HMCN2: variants seen among roughly 807,000 people sequenced by gnomAD.
HMCN2 encodes hemicentin 2, also known as hemicentin-2.
Under a neutral mutation model 377.5 loss-of-function variants are expected in HMCN2, and 325 were observed. The observed-to-expected ratio is 0.86, with a 90% CI of 0.79 to 0.94. The LOEUF is 0.94. Among genes scored for constraint, HMCN2 ranks in the 40% least tolerant of loss-of-function variants. The pLI, the probability that HMCN2 is intolerant of heterozygous loss-of-function variation, is 0.00. For synonymous variants in HMCN2, 2,007 were observed against 2,046.8 expected (o/e 0.98, Z 0.53); for missense variants, 4,543 against 4,725.3 (o/e 0.96, Z 1.13).
chr9:130,429,946 T>A, intron 94 of HMCN2: 2 of 644,298 alleles, frequency 3.1e-6, no homozygotes, highest in Non-Finnish European at 5.1e-6. Flanking sequence ...TTCCGGGGAA[T>A]TTCAGGAGGG....
chr9:130,431,706 G>A (rs903071840), intron 96 of HMCN2, among the ~76,000 whole-genome samples: 6 of 152,190 alleles, frequency 3.9e-5, no homozygotes, highest in Non-Finnish European at 5.9e-5. Context: ...GAGATCACGC[G>A]GGCAGGCTCT....
chr9:130,323,991 C>T (rs998975196), intron 19 of HMCN2, among the ~76,000 whole-genome samples: 6 of 152,210 alleles, frequency 3.9e-5, no homozygotes, highest in Admixed American at 2.6e-4. Flanking sequence ...CATGAGCCAC[C>T]GTGCCTGGCC....
intron 22 of HMCN2, among the ~76,000 whole-genome samples, chr9:130,336,251 A>C (rs1838742278): frequency 6.6e-6 from 1 of 152,244 alleles, no homozygotes; most frequent in Admixed American, 6.5e-5. Context: ...CACAACAGTC[A>C]AAAATGAGTT....
chr9:130,293,375 T>C lies in HMCN2; in HGVS notation c.613-1480T>C, dbSNP rs113331248. ...TTGGAATTCACTTGGAGATGTTCTT[T>C]TCTCTCTGTGGTTGTGGTACCGATT... On this transcript the variant is annotated intron_variant, in intron 4 of 97. Coordinates refer to ENST00000683500, the MANE Select transcript of HMCN2 (RefSeq NM_001291815.2). 1.2e-3 allele frequency among the ~76,000 whole-genome samples: 184 copies of C among 150,444 alleles called. 1 individual carries two copies. Among genetic ancestry groups the C allele is most frequent in the African/African-American group, 4.2e-3 (173 of 40,756 alleles).
rs546464030 is a variant in HMCN2 at position 130,388,765 on chromosome 9, C to A, written c.9523+225C>A. 2.0e-3 allele frequency among the ~76,000 whole-genome samples: 306 copies of A among 151,460 alleles called. 1 individual carries two copies. Among genetic ancestry groups the A allele is most frequent in the African/African-American group, 6.8e-3 (281 of 41,168 alleles). On this transcript the variant is annotated intron_variant, in intron 62 of 97. Transcript: ENST00000683500. ...AGCGTCTCCTGTGAGGGTTTGGAAG[C>A]TCCTTTGCATCCACGTCCTCAGTCA...
rs979662943 is a variant in HMCN2 at position 130,391,041 on chromosome 9, G to A, written c.9588G>A (p.Pro3196=). 2.0e-6 allele frequency: 2 copies of A among 987,728 alleles called. No individual in the cohort carries two copies. Among genetic ancestry groups the A allele is most frequent in the South Asian group, 4.7e-5 (1 of 21,378 alleles). The allele number at this position is 987,728 out of a possible 1,614,324, so 61.2% of individuals were successfully genotyped here. ...GCCTCCAGCTGAGCCGCCTGCAACC[G>A]GCCCAGGCGGGCACCTACACGTGCG... is the stretch of plus-strand genomic sequence containing the variant. ...GGRLQLSRLQ[P]AQAGTYTCVA... is the part of the protein sequence containing the mutation. The change falls in exon 63 of 98, where the codon CCG becomes CCA. Residue 3196 remains proline, a synonymous_variant. Transcript: ENST00000683500.
At chr9:130,334,963 A>G (rs1402461000) in intron 22 of HMCN2, among the ~76,000 whole-genome samples, 3 of 152,042 alleles carry the variant, frequency 2.0e-5, no homozygotes, top group African/African-American at 7.2e-5. Flanking sequence ...CAGCCTCTCA[A>G]TTAGCTGGGA....
chr9:130,388,485 T>C lies in HMCN2; in HGVS notation c.9468T>C (p.Asp3156=), dbSNP rs1011007514. Residue 3156 remains aspartate (D), a synonymous_variant, in exon 62 of 98, where the codon GAT becomes GAC. Coordinates refer to ENST00000683500, the MANE Select transcript of HMCN2 (RefSeq NM_001291815.2). ...GGAGCCCCCTGGTCCTGACCTGTGA[T>C]GTGTCCGGGGTCCCTGCACCCACGG... ...VAGSPLVLTC[D]VSGVPAPTVT... 22 of 987,980 alleles carry C rather than the reference T, an allele frequency of 2.2e-5. No homozygotes were observed. Among genetic ancestry groups the C allele is most frequent in the Non-Finnish European group, 2.7e-5 (22 of 830,134 alleles). 61.2% of individuals were successfully genotyped at this position (987,980 alleles called of 1,614,324 possible).
chr9:130,348,096 A>G, intron 26 of HMCN2: 4 of 958,472 alleles, frequency 4.2e-6, no homozygotes, highest in East Asian at 2.3e-4. Context: ...CCGCTTGGGC[A>G]GTTCTACCAG....
chr9:130,417,600 G>C (rs1314729301), intron 85 of HMCN2, among the ~76,000 whole-genome samples: 3 of 151,362 alleles, frequency 2.0e-5, no homozygotes, highest in Non-Finnish European at 4.4e-5. Context: ...AGAGAGAAGA[G>C]AAGGTAAAGT....
At chr9:130,397,680 A>C in intron 74 of HMCN2, 25 bp downstream of exon 74, 3 of 1,289,476 alleles carry the variant, frequency 2.3e-6, no homozygotes, top group Non-Finnish European at 3.0e-6. Context: ...GAAGGCCTTC[A>C]GTGTCCAGTC....
chr9:130,274,618 C>G (rs531942959), intron 1 of HMCN2, among the ~76,000 whole-genome samples: 1 of 152,276 alleles, frequency 6.6e-6, no homozygotes, highest in African/African-American at 2.4e-5. Flanking sequence ...GTAAAATATT[C>G]TACTACTACT....
intron 61 of HMCN2, among the ~76,000 whole-genome samples, 185 bp from the exon 62 acceptor site, chr9:130,388,224 G>A (rs1024555804): frequency 2.0e-5 from 3 of 152,322 alleles, no homozygotes; most frequent in Non-Finnish European, 4.4e-5. Context: ...AGGAGACCCC[G>A]CTGGAGCTTT....
intron 66 of HMCN2, among the ~76,000 whole-genome samples, chr9:130,392,799 A>G (rs1042265572): frequency 3.9e-5 from 6 of 152,112 alleles, no homozygotes; most frequent in Admixed American, 2.0e-4. Context: ...GATCAAGACC[A>G]TCCTGGCTAA....
rs1286579921 is a variant in HMCN2, at chr9:130,383,528, G to A, written c.8758G>A (p.Ala2920Thr). 4 of 985,978 alleles carry A rather than the reference G, an allele frequency of 4.1e-6. No homozygotes were observed. In the African/African-American group the frequency reaches 5.2e-5, roughly 13 times the overall value. 61.1% of individuals were successfully genotyped at this position (985,978 alleles called of 1,614,324 possible). ...GGTTTCCACGGCAGAGGTGGCCGACGCCGCCAGCTACATGTGTGTGGCCGA... is the reference window on the plus strand; with the variant it reads ...GGTTTCCACGGCAGAGGTGGCCGACACCGCCAGCTACATGTGTGTGGCCGA... Reference protein sequence around the residue: ...LQVSTAEVADAASYMCVAENQ... With the variant: ...LQVSTAEVADTASYMCVAENQ... Residue 2920 changes from alanine (A) to threonine (T), a missense_variant, in exon 57 of 98, where the codon GCC (alanine) becomes ACC (threonine). Ala to Thr is a moderately conservative substitution (Grantham distance 58). Transcript: ENST00000683500.
rs1465159951 is a variant in HMCN2 at position 130,360,618 on chromosome 9, G to T, written c.5950+14G>T. On this transcript the variant is annotated intron_variant, in intron 38 of 97. Coordinates refer to ENST00000683500, the MANE Select transcript of HMCN2 (RefSeq NM_001291815.2). The surrounding 1 kb of genome is among the most constrained non-coding windows in gnomAD (Gnocchi z 4.7). ...TACGGGTCAATGGTGAGCTTCCCTGGGCCTACAAGGTCCCTTGTCCAAAAA... is the reference window on the plus strand; with the variant it reads ...TACGGGTCAATGGTGAGCTTCCCTGTGCCTACAAGGTCCCTTGTCCAAAAA... 7.9e-7 allele frequency: 1 copy of T among 1,271,674 alleles called. No individual in the cohort carries two copies. The highest frequency in any genetic ancestry group is 2.6e-5 in the Admixed American group (1 of 39,144). The allele number at this position is 1,271,674 out of a possible 1,614,324, so 78.8% of individuals were successfully genotyped here.
In HMCN2 at chr9:130,418,962, T is replaced by G. The variant is rs1416133611; in HGVS notation, c.13152T>G (p.Thr4384=). The G allele has an allele frequency of 6.5e-7, 1 of 1,531,888 alleles. No individual in the cohort carries two copies. The highest frequency in any genetic ancestry group is 1.2e-5 in the South Asian group (1 of 81,830). The allele number at this position is 1,531,888 out of a possible 1,614,324, so 94.9% of individuals were successfully genotyped here. A position where few individuals can be genotyped will look rare whatever the true frequency, so the allele number is the denominator to read the frequency against. The change falls in exon 86 of 98, where the codon ACT becomes ACG. Residue 4384 remains threonine (T), a synonymous_variant. Transcript: ENST00000683500. The part of the protein sequence containing the change: ...DGSLWLENVE[T]GDAGTYDCVA... ...GCCTGTGGCTGGAGAACGTGGAGAC[T>G]GGGGATGCAGGCACCTACGACTGCG...
rs1205245295 is a variant in HMCN2, at chr9:130,382,832, G to C, written c.8699G>C (p.Arg2900Pro). The change falls in exon 56 of 98, where the codon CGG becomes CCG. Residue 2900 changes from arginine to proline, a missense_variant. By Grantham distance (103) the Arg-to-Pro change is moderately radical. Transcript: ENST00000683500. ...GGGCTGCCTTTCTCCCCGAGCCCACGGCTGCAGGTCCTGGAGGACGGGCAA... is the reference window on the plus strand; with the variant it reads ...GGGCTGCCTTTCTCCCCGAGCCCACCGCTGCAGGTCCTGGAGGACGGGCAA... ...QNGLPFSPSP[R>P]LQVLEDGQVL... 2.0e-6 allele frequency: 2 copies of C among 985,908 alleles called. No individual in the cohort carries two copies. The highest frequency in any genetic ancestry group is 2.4e-6 in the Non-Finnish European group (2 of 829,934). 61.1% of individuals were successfully genotyped at this position (985,908 alleles called of 1,614,324 possible).
chr9:130,416,966 G>A (rs1003528535), intron 85 of HMCN2, among the ~76,000 whole-genome samples: 3 of 151,896 alleles, frequency 2.0e-5, no homozygotes, highest in African/African-American at 7.3e-5. Context: ...AGGCTGGAGT[G>A]CAGTGGCGCA....
Sources: gnomAD v4.1 joint callset for allele counts (sites outside exome capture counted in the v4.1 genomes callset) on GRCh38, gnomAD v4.1.1 for gene constraint, Gnocchi (gnomAD v3.1) non-coding constraint, MANE v1.5 for transcripts, NCBI Gene and HGNC (gene_info 2026-07-23, HGNC 2026-07-21) for gene names.